Variants in CELF2 observed in about 807,000 individuals in gnomAD.
CELF2 encodes the protein CUG triplet repeat RNA-binding protein 2.
CELF2 carries 8 observed loss-of-function variants against 62.6 expected under a neutral mutation model. The ratio of observed to expected loss-of-function variants is 0.13; its 90% CI spans 0.07 to 0.23. CELF2 has a LOEUF of 0.23. CELF2 is among the 10% of genes least tolerant of loss of function. CELF2 has a pLI of 1.00. For synonymous variants in CELF2, 258 were observed against 250.0 expected (o/e 1.03, Z -0.30); for missense variants, 333 against 671.0 (o/e 0.50, Z 5.56).
chr10:10,917,650 C>T (rs763551473), intron 1 of CELF2, among the ~76,000 whole-genome samples: 15 of 152,162 alleles, frequency 9.9e-5, no homozygotes, highest in Admixed American at 2.6e-4. Flanking sequence ...CTTACTGCAG[C>T]GGTCTCAGTT....
At chr10:11,292,337 CTGT>C (rs2092637016) in intron 9 of CELF2, among the ~76,000 whole-genome samples, 1 of 152,208 alleles carries the variant, frequency 6.6e-6, no homozygotes, top group Non-Finnish European at 1.5e-5. Flanking sequence ...TAGACGGTGA[CTGT>C]TGTTCTTGCA....
chr10:10,551,912 A>T, the CELF2 span, among the ~76,000 whole-genome samples: 1 of 152,118 alleles, frequency 6.6e-6, no homozygotes, highest in Non-Finnish European at 1.5e-5. Context: ...AGAGGGCCGC[A>T]TGCTGCTTCA....
intron 1 of CELF2, among the ~76,000 whole-genome samples, chr10:11,031,226 T>C (rs1411035173): frequency 6.6e-6 from 1 of 152,160 alleles, no homozygotes; most frequent in African/African-American, 2.4e-5. Context: ...TACAGTAACA[T>C]CCGTTTTTAC....
intron 2 of CELF2, among the ~76,000 whole-genome samples, chr10:10,956,638 G>A (rs540873969): frequency 3.3e-5 from 5 of 152,294 alleles, no homozygotes; most frequent in South Asian, 2.1e-4. Flanking sequence ...CCGCAAAAGT[G>A]GGTTGCTGGC....
intron 1 of CELF2, among the ~76,000 whole-genome samples, chr10:11,093,671 C>G (rs911749301): frequency 6.6e-6 from 1 of 152,180 alleles, no homozygotes; most frequent in Admixed American, 6.5e-5. Flanking sequence ...AATTTTGATT[C>G]ATCAGGGAGC....
intron 2 of CELF2, among the ~76,000 whole-genome samples, chr10:10,989,739 G>GA (rs2053217316): frequency 1.3e-5 from 2 of 152,010 alleles, no homozygotes; most frequent in Middle Eastern, 3.4e-3. Flanking sequence ...TGATTTGTGG[G>GA]AAAAAATCTT....
chr10:10,694,320 T>C, the CELF2 span, among the ~76,000 whole-genome samples: 1 of 151,312 alleles, frequency 6.6e-6, no homozygotes, highest in Non-Finnish European at 1.5e-5. Flanking sequence ...AGTTGAGCGG[T>C]TTTGAGTGAG....
chr10:10,501,646 A>T, the CELF2 span, among the ~76,000 whole-genome samples: 1 of 152,246 alleles, frequency 6.6e-6, no homozygotes, highest in East Asian at 1.9e-4. Context: ...TTTATCTTGT[A>T]TCCTGCAACT....
At chr10:11,186,926 A>G (rs752458182) in intron 2 of CELF2, among the ~76,000 whole-genome samples, 10 of 152,182 alleles carry the variant, frequency 6.6e-5, no homozygotes, top group Admixed American at 2.0e-4. Context: ...TGTATGGCTT[A>G]AGAACTCTTA....
At chr10:10,620,631 G>T in the CELF2 span, among the ~76,000 whole-genome samples, 5 of 152,072 alleles carry the variant, frequency 3.3e-5, no homozygotes, top group Admixed American at 6.5e-5. Flanking sequence ...GGCAGGGCGT[G>T]GTGGCTCAGG....
the CELF2 span, among the ~76,000 whole-genome samples, chr10:10,545,347 T>G: frequency 6.6e-6 from 1 of 152,174 alleles, no homozygotes; most frequent in African/African-American, 2.4e-5. Context: ...ACATCAACAT[T>G]CTATTTAACC....
chr10:11,017,682 G>T (rs979289027), upstream of CELF2, among the ~76,000 whole-genome samples: 69 of 152,198 alleles, frequency 4.5e-4, no homozygotes, highest in East Asian at 3.1e-3. The surrounding 1 kb of genome is among the most constrained non-coding windows in gnomAD (Gnocchi z 5.5). Context: ...CCGGGCGGGG[G>T]AGCAGAGCCA....
At chr10:11,259,108 A>G (rs949600398) in intron 5 of CELF2, among the ~76,000 whole-genome samples, 1 of 152,196 alleles carries the variant, frequency 6.6e-6, no homozygotes, top group Admixed American at 6.5e-5. Flanking sequence ...TTCCTTCTCA[A>G]TCTCTGGCTC....
At chr10:10,769,768 A>T in the CELF2 span, among the ~76,000 whole-genome samples, 15 of 151,794 alleles carry the variant, frequency 9.9e-5, no homozygotes, top group East Asian at 9.7e-4. Context: ...CAACTCCAAA[A>T]AATAATAATA....
chr10:10,497,228 C>T, the CELF2 span, among the ~76,000 whole-genome samples: 7 of 147,556 alleles, frequency 4.7e-5, no homozygotes, highest in Non-Finnish European at 9.0e-5. Context: ...AAAAAAATGA[C>T]AGCACCAAGG....
chr10:10,636,217 T>C, the CELF2 span, among the ~76,000 whole-genome samples: 1 of 152,222 alleles, frequency 6.6e-6, no homozygotes, highest in Admixed American at 6.5e-5. Context: ...CAAAACAATA[T>C]GTAATTGCTA....
the CELF2 span, among the ~76,000 whole-genome samples, chr10:10,666,252 G>A: frequency 4.6e-5 from 7 of 152,264 alleles, no homozygotes; most frequent in South Asian, 8.3e-4. Flanking sequence ...TGCAGCATTT[G>A]TCAGATGCCA....
intron 2 of CELF2, among the ~76,000 whole-genome samples, chr10:10,924,281 CAAAAAAAAAAAAAAAAAA>C (rs11415164): frequency 8.9e-5 from 4 of 45,092 alleles, no homozygotes; most frequent in African/African-American, 3.4e-4. Flanking sequence ...GACTCCGTCC[CAAAAAAAAAAAAAAAAAA>C]AAAAAAAAAA....
chr10:11,089,124 T>G (rs1404868533), intron 1 of CELF2, among the ~76,000 whole-genome samples: 1 of 152,156 alleles, frequency 6.6e-6, no homozygotes, highest in Non-Finnish European at 1.5e-5. Flanking sequence ...ACAAGAGTCC[T>G]AAGAGCCAGC....
Sources: gnomAD v4.1 joint callset for allele counts (sites outside exome capture counted in the v4.1 genomes callset) on GRCh38, gnomAD v4.1.1 for gene constraint, Gnocchi (gnomAD v3.1) non-coding constraint, MANE v1.5 for transcripts, NCBI Gene and HGNC (gene_info 2026-07-23, HGNC 2026-07-21) for gene names.